The following HS6ST2 variants were observed in gnomAD, a reference collection of about 807,000 sequenced individuals.
HS6ST2 encodes heparan-sulfate 6-O-sulfotransferase 2.
Under a neutral mutation model 33.0 loss-of-function variants are expected in HS6ST2, and 17 were observed. That is an observed-to-expected ratio of 0.52 (90% CI 0.35 to 0.77). The LOEUF is 0.77. HS6ST2 is among the 30% of genes least tolerant of loss of function. HS6ST2 has a pLI of 0.01. For missense variants in HS6ST2, 519 were observed against 551.7 expected (o/e 0.94, Z 0.59); for synonymous variants, 248 against 237.1 (o/e 1.05, Z -0.42).
intron 2 of HS6ST2, among the ~76,000 whole-genome samples, chrX:132,816,061 C>T (rs1480629556): frequency 8.9e-6 from 1 of 111,778 alleles, no homozygotes; most frequent in Non-Finnish European, 1.9e-5. Flanking sequence ...CATAGCATTA[C>T]TCAACAAATG....
chrX:132,816,955 A>T (rs771193076), intron 2 of HS6ST2, among the ~76,000 whole-genome samples: 75 of 111,433 alleles, frequency 6.7e-4, no homozygotes, highest in African/African-American at 2.4e-3. Context: ...GCAGCAGGTA[A>T]AATTAGGGAA....
intron 2 of HS6ST2, among the ~76,000 whole-genome samples, chrX:132,893,074 C>T (rs900791987): frequency 8.9e-6 from 1 of 111,946 alleles, no homozygotes; most frequent in Non-Finnish European, 1.9e-5. Context: ...GTGGAACCCA[C>T]GGATATAGAG....
intron 2 of HS6ST2, among the ~76,000 whole-genome samples, chrX:132,944,089 T>C (rs2066916124): frequency 9.0e-6 from 1 of 111,688 alleles, no homozygotes; most frequent in African/African-American, 3.3e-5. Context: ...GCAGATGACA[T>C]GACTATATAT....
chrX:132,939,406 C>T (rs1333041290), intron 2 of HS6ST2, among the ~76,000 whole-genome samples: 1 of 110,857 alleles, frequency 9.0e-6, no homozygotes, highest in Admixed American at 9.7e-5. Flanking sequence ...GGGCAGATGA[C>T]TTGAGGTCAG....
intron 2 of HS6ST2, among the ~76,000 whole-genome samples, chrX:132,834,464 A>T (rs2065622752): frequency 8.9e-6 from 1 of 111,854 alleles, no homozygotes; most frequent in African/African-American, 3.2e-5. Flanking sequence ...GGTCATTCAT[A>T]CAGTCAAGGT....
chrX:132,943,448 C>T (rs1016215037), intron 2 of HS6ST2, among the ~76,000 whole-genome samples: 1 of 111,276 alleles, frequency 9.0e-6, no homozygotes, highest in Non-Finnish European at 1.9e-5. Context: ...GAGCTGGTAC[C>T]ATTCCTTCTG....
At chrX:132,767,159 T>A (rs978546214) in intron 2 of HS6ST2, among the ~76,000 whole-genome samples, 5 of 112,710 alleles carry the variant, frequency 4.4e-5, no homozygotes, top group African/African-American at 1.6e-4. Context: ...GACTTCAAGA[T>A]GACTGAGACC....
At chrX:132,762,134 A>C (rs772657534) in intron 2 of HS6ST2, among the ~76,000 whole-genome samples, 1 of 112,286 alleles carries the variant, frequency 8.9e-6, no homozygotes, top group Non-Finnish European at 1.9e-5. Context: ...ACACTACTCC[A>C]TTTATCAGAT....
At chrX:132,792,534 T>C (rs753257603) in intron 2 of HS6ST2, among the ~76,000 whole-genome samples, 2 of 112,394 alleles carry the variant, frequency 1.8e-5, no homozygotes, top group South Asian at 3.7e-4. Flanking sequence ...AATTCTCCCA[T>C]TTAAAGTGTA....
intron 2 of HS6ST2, among the ~76,000 whole-genome samples, chrX:132,829,199 T>TATACAC (rs55664940): frequency 1.2e-4 from 9 of 73,175 alleles, no homozygotes; most frequent in African/African-American, 3.0e-4. Context: ...TATATATATA[T>TATACAC]ACATACTTAT....
intron 2 of HS6ST2, among the ~76,000 whole-genome samples, chrX:132,799,278 G>A (rs1445829737): frequency 1.8e-5 from 2 of 111,005 alleles, no homozygotes; most frequent in Non-Finnish European, 3.8e-5. Context: ...GTTATCCCAT[G>A]TAAGCCCCTA....
At chrX:132,902,897 C>A (rs898633581) in intron 2 of HS6ST2, among the ~76,000 whole-genome samples, 1 of 111,696 alleles carries the variant, frequency 9.0e-6, no homozygotes, top group African/African-American at 3.3e-5. Context: ...AGAAACAAGA[C>A]AAGGATAATT....
chrX:132,803,277 C>G (rs758271236), intron 2 of HS6ST2, among the ~76,000 whole-genome samples: 1 of 111,809 alleles, frequency 8.9e-6, no homozygotes, highest in South Asian at 3.8e-4. Flanking sequence ...TAGTATCTTG[C>G]TTTACCTCTA....
At chrX:132,631,913 G>A (rs1042666719) in intron 4 of HS6ST2, among the ~76,000 whole-genome samples, 3 of 111,556 alleles carry the variant, frequency 2.7e-5, no homozygotes, top group Non-Finnish European at 5.6e-5. Flanking sequence ...CACAATCAAT[G>A]TTTCATAAGC....
chrX:132,792,247 A>C (rs2148343905), intron 2 of HS6ST2, among the ~76,000 whole-genome samples: 1 of 112,042 alleles, frequency 8.9e-6, no homozygotes, highest in South Asian at 3.7e-4. Context: ...TAAAACCAAA[A>C]GTTCTTGTTT....
intron 2 of HS6ST2, among the ~76,000 whole-genome samples, chrX:132,728,778 C>T (rs2064424176): frequency 8.9e-6 from 1 of 112,423 alleles, no homozygotes; most frequent in Non-Finnish European, 1.9e-5. Flanking sequence ...CCATGGTATT[C>T]AACACTGGCT....
At chrX:132,854,157 A>C (rs1199736480) in intron 2 of HS6ST2, among the ~76,000 whole-genome samples, 1 of 112,198 alleles carries the variant, frequency 8.9e-6, no homozygotes, top group Non-Finnish European at 1.9e-5. Flanking sequence ...CACAGCTTTT[A>C]CTCTATCGCT....
chrX:132,728,258 T>C (rs1386458560), intron 2 of HS6ST2, among the ~76,000 whole-genome samples: 1 of 112,176 alleles, frequency 8.9e-6, no homozygotes, highest in Non-Finnish European at 1.9e-5. Flanking sequence ...CCACCAGCAA[T>C]GGACAAGGGT....
At chrX:132,946,643 G>A (rs2066959576) in intron 2 of HS6ST2, among the ~76,000 whole-genome samples, 1 of 111,556 alleles carries the variant, frequency 9.0e-6, no homozygotes, top group African/African-American at 3.3e-5. Flanking sequence ...GGGAGGGATA[G>A]CATTAGGAGA....
Sources: allele counts gnomAD v4.1 joint callset (sites outside exome capture counted in the v4.1 genomes callset), GRCh38; gene constraint gnomAD v4.1.1; transcripts MANE v1.5; gene names NCBI Gene and HGNC (gene_info 2026-07-23, HGNC 2026-07-21).